Variants in ATP8B4 observed in about 807,000 individuals in gnomAD.
The protein encoded by ATP8B4 is ATPase phospholipid transporting 8B4 (putative).
In ATP8B4, 133 loss-of-function variants were observed where a neutral mutation model predicts 145.6. The observed-to-expected ratio is 0.91, with a 90% confidence interval of 0.79 to 1.05. The LOEUF is 1.05. Ranked by LOEUF, ATP8B4 falls within the 50% of genes least tolerant of loss-of-function variation. ATP8B4 has a pLI of 0.00. For missense variants in ATP8B4, 1,458 were observed against 1,425.2 expected (o/e 1.02, Z -0.37); for synonymous variants, 507 against 492.9 (o/e 1.03, Z -0.38).
intron 2 of ATP8B4, among the ~76,000 whole-genome samples, chr15:50,099,899 G>C (rs1406386456): frequency 6.6e-6 from 1 of 152,094 alleles, no homozygotes; most frequent in Non-Finnish European, 1.5e-5. Context: ...GCCAGGCGTA[G>C]TGGTGCATGC....
At chr15:49,940,492 G>A (rs568645652) in intron 14 of ATP8B4, among the ~76,000 whole-genome samples, 16 of 152,094 alleles carry the variant, frequency 1.1e-4, no homozygotes, top group South Asian at 2.1e-4. Flanking sequence ...TCAAATCTCC[G>A]CATCATGCAA....
intron 9 of ATP8B4, among the ~76,000 whole-genome samples, chr15:49,993,396 G>A (rs935288431): frequency 3.4e-5 from 5 of 147,070 alleles, no homozygotes; most frequent in African/African-American, 1.2e-4. Context: ...GTGTGTCAGA[G>A]ATATTAAAAT....
intron 7 of ATP8B4, among the ~76,000 whole-genome samples, chr15:50,007,078 C>T (rs1053945768): frequency 6.6e-6 from 1 of 151,294 alleles, no homozygotes; most frequent in African/African-American, 2.4e-5. Context: ...TTAAAATGTA[C>T]ATACAAATGC....
chr15:50,051,087 C>T (rs1037364046), intron 3 of ATP8B4, among the ~76,000 whole-genome samples: 2 of 152,224 alleles, frequency 1.3e-5, no homozygotes, highest in Non-Finnish European at 2.9e-5. Context: ...CCTCACATGT[C>T]GTAGGAGGGA....
intron 3 of ATP8B4, among the ~76,000 whole-genome samples, chr15:50,052,640 T>A (rs1311690491): frequency 6.6e-6 from 1 of 151,804 alleles, no homozygotes; most frequent in Non-Finnish European, 1.5e-5. Context: ...TGGGAGAGAG[T>A]GTCACACCAG....
At chr15:49,924,243 A>G (rs2040513396) in intron 16 of ATP8B4, among the ~76,000 whole-genome samples, 1 of 152,028 alleles carries the variant, frequency 6.6e-6, no homozygotes, top group Non-Finnish European at 1.5e-5. Context: ...TTTCTTTCAA[A>G]CCACAGAACA....
At chr15:49,997,017 G>T (rs1366063153) in intron 8 of ATP8B4, among the ~76,000 whole-genome samples, 1 of 152,092 alleles carries the variant, frequency 6.6e-6, no homozygotes, top group Non-Finnish European at 1.5e-5. Context: ...AAGAACAGAG[G>T]ACATAACAAA....
At chr15:49,901,702 T>G (rs763389453) in intron 20 of ATP8B4, 2 of 356,208 alleles carry the variant, frequency 5.6e-6, no homozygotes, top group Middle Eastern at 3.8e-4. Context: ...TGAGGTACAA[T>G]GTAATACGAT....
chr15:49,887,673 A>G (rs2036356562), intron 23 of ATP8B4, among the ~76,000 whole-genome samples: 1 of 152,040 alleles, frequency 6.6e-6, no homozygotes, highest in African/African-American at 2.4e-5. Flanking sequence ...GAAAAAAAAA[A>G]AACAGGGAGG....
At chr15:50,083,326 C>T (rs1178415261) in intron 2 of ATP8B4, among the ~76,000 whole-genome samples, 1 of 146,292 alleles carries the variant, frequency 6.8e-6, no homozygotes, top group Non-Finnish European at 1.5e-5. Flanking sequence ...TTTCTATCTA[C>T]ATTCTTTTAC....
intron 23 of ATP8B4, chr15:49,879,883 A>G (rs887918972): frequency 6.5e-6 from 1 of 153,640 alleles, no homozygotes; most frequent in African/African-American, 2.4e-5. Flanking sequence ...AAATATAGTA[A>G]TAAGCCTGTT....
chr15:49,915,928 C>CT (rs1373826215), intron 20 of ATP8B4, among the ~76,000 whole-genome samples: 2 of 151,010 alleles, frequency 1.3e-5, no homozygotes, highest in Non-Finnish European at 1.5e-5. Context: ...TTAAGACTTC[C>CT]TTTTTTTAAA....
chr15:49,876,017 C>G (rs2034363263), intron 25 of ATP8B4, among the ~76,000 whole-genome samples: 1 of 152,042 alleles, frequency 6.6e-6, no homozygotes, highest in Non-Finnish European at 1.5e-5. Context: ...AATCATTTCT[C>G]TTTACATACA....
chr15:49,989,995 G>T (rs926271090), intron 9 of ATP8B4, among the ~76,000 whole-genome samples: 4 of 152,168 alleles, frequency 2.6e-5, no homozygotes, highest in African/African-American at 9.6e-5. Context: ...GTTAAGAGAT[G>T]AGATGGATAT....
chr15:50,088,336 A>C, intron 2 of ATP8B4, among the ~76,000 whole-genome samples: 1 of 150,844 alleles, frequency 6.6e-6, no homozygotes, highest in Non-Finnish European at 1.5e-5. Flanking sequence ...ACAGAGCGAG[A>C]CTCCCTCTAA....
chr15:50,070,286 G>T (rs1176795321), intron 3 of ATP8B4, among the ~76,000 whole-genome samples: 2 of 151,820 alleles, frequency 1.3e-5, no homozygotes, highest in Non-Finnish European at 2.9e-5. Context: ...TTTCTTAAAA[G>T]GATATTCCGT....
chr15:50,102,786 C>CA (rs34999776), intron 2 of ATP8B4, among the ~76,000 whole-genome samples: 1,405 of 140,470 alleles, frequency 0.01, 16 homozygotes, highest in African/African-American at 0.016. Context: ...ATGGACATAA[C>CA]AAAAAAAAAA....
intron 3 of ATP8B4, among the ~76,000 whole-genome samples, chr15:50,070,305 TA>T (rs35877123): frequency 0.01 from 1,521 of 145,612 alleles, 13 homozygotes; most frequent in Middle Eastern, 0.018. Context: ...GTTTAGGGGT[TA>T]AAAAAAAAAA....
intron 23 of ATP8B4, among the ~76,000 whole-genome samples, chr15:49,880,870 T>C (rs2035280128): frequency 6.6e-6 from 1 of 151,122 alleles, no homozygotes; most frequent in African/African-American, 2.4e-5. Context: ...CCCAGCACTT[T>C]GGGAGGCCTA....
Sources: allele counts gnomAD v4.1 joint callset (sites outside exome capture counted in the v4.1 genomes callset), GRCh38; gene constraint gnomAD v4.1.1; transcripts MANE v1.5; gene names NCBI Gene and HGNC (gene_info 2026-07-23, HGNC 2026-07-21).